The following NTM variants were observed in gnomAD, a reference collection of about 807,000 sequenced individuals.
The protein encoded by NTM is IgLON family member 2.
In NTM, 13 loss-of-function variants were observed where a neutral mutation model predicts 42.1. That is an observed-to-expected ratio of 0.31 (90% confidence interval 0.20 to 0.49). The LOEUF is 0.49. Among genes scored for constraint, NTM ranks in the 20% least tolerant of loss-of-function variants. The pLI, the probability that NTM is intolerant of heterozygous loss-of-function variation, is 0.99. For synonymous variants in NTM, 187 were observed against 179.2 expected (o/e 1.04, Z -0.35); for missense variants, 373 against 452.8 (o/e 0.82, Z 1.60).
chr11:131,814,427 A>G (rs1043787846), intron 1 of NTM, among the ~76,000 whole-genome samples: 4 of 152,192 alleles, frequency 2.6e-5, no homozygotes, highest in African/African-American at 7.2e-5. Context: ...TGTCCACACA[A>G]ATGGTTCTGA....
intron 4 of NTM, among the ~76,000 whole-genome samples, chr11:132,269,404 G>A (rs886150798): frequency 3.3e-5 from 5 of 152,134 alleles, no homozygotes; most frequent in Non-Finnish European, 5.9e-5. Context: ...AGACTGCACC[G>A]TCTATCCCAC....
chr11:132,073,155 G>A (rs1430851831), intron 2 of NTM, among the ~76,000 whole-genome samples: 1 of 152,090 alleles, frequency 6.6e-6, no homozygotes. Context: ...CTAGGCTAAG[G>A]GTTTCCAAAC....
intron 3 of NTM, among the ~76,000 whole-genome samples, chr11:132,210,113 C>T (rs1430842710): frequency 6.6e-6 from 1 of 152,212 alleles, no homozygotes; most frequent in Non-Finnish European, 1.5e-5. Context: ...GCAATAAAGT[C>T]ATCGTGCAGC....
At chr11:132,118,963 A>G (rs1237977244) in intron 2 of NTM, among the ~76,000 whole-genome samples, 1 of 152,016 alleles carries the variant, frequency 6.6e-6, no homozygotes, top group South Asian at 2.1e-4. Flanking sequence ...GTAGAGATAG[A>G]TAGTGTATAG....
At chr11:132,284,072 C>G (rs1292920646) in intron 4 of NTM, among the ~76,000 whole-genome samples, 2 of 152,162 alleles carry the variant, frequency 1.3e-5, no homozygotes, top group Non-Finnish European at 2.9e-5. Flanking sequence ...CCTGGGGCCT[C>G]AGCCCCAGGA....
At chr11:131,947,424 C>A (rs1465838865) in intron 2 of NTM, among the ~76,000 whole-genome samples, 1 of 152,160 alleles carries the variant, frequency 6.6e-6, no homozygotes, top group Admixed American at 6.5e-5. Flanking sequence ...TGCACCCCTG[C>A]CAGACCCTCC....
intron 3 of NTM, among the ~76,000 whole-genome samples, chr11:132,178,584 A>G (rs1319353909): frequency 2.1e-5 from 3 of 145,580 alleles, no homozygotes; most frequent in Non-Finnish European, 4.7e-5. Flanking sequence ...AGTTTGATAG[A>G]CAGCCTTTTC....
At chr11:131,506,640 G>A (rs117144116) in intron 1 of NTM, among the ~76,000 whole-genome samples, 4,738 of 152,302 alleles carry the variant, frequency 0.031, 96 homozygotes, top group Middle Eastern at 0.075. Context: ...GGGAGAGATG[G>A]TAAATCATGG....
chr11:131,810,225 G>A (rs570554803), intron 1 of NTM, among the ~76,000 whole-genome samples: 39 of 152,092 alleles, frequency 2.6e-4, no homozygotes, highest in Middle Eastern at 3.4e-3. Flanking sequence ...CTCCTCCCAC[G>A]TCATGAGACC....
At chr11:131,787,448 C>G (rs542533250) in intron 1 of NTM, among the ~76,000 whole-genome samples, 1 of 151,080 alleles carries the variant, frequency 6.6e-6, no homozygotes, top group Non-Finnish European at 1.5e-5. Context: ...GGCATGAGCT[C>G]GGCTCTCTGC....
intron 1 of NTM, among the ~76,000 whole-genome samples, chr11:131,520,237 G>A (rs572921765): frequency 1.3e-4 from 20 of 152,238 alleles, no homozygotes; most frequent in African/African-American, 3.6e-4. Context: ...GCACATGGAG[G>A]CATAGTTCTA....
intron 4 of NTM, among the ~76,000 whole-genome samples, chr11:132,301,267 AACTC>A (rs747643633): frequency 1.3e-5 from 2 of 152,162 alleles, no homozygotes; most frequent in African/African-American, 2.4e-5. Flanking sequence ...TGTGAGAACT[AACTC>A]ACTATCATGA....
intron 4 of NTM, among the ~76,000 whole-genome samples, chr11:132,245,511 A>C (rs748748875): frequency 6.6e-6 from 1 of 152,120 alleles, no homozygotes; most frequent in Non-Finnish European, 1.5e-5. Context: ...CATTTTATGC[A>C]CGGTGCCTTT....
At chr11:131,854,701 A>C (rs1402639033) in intron 1 of NTM, among the ~76,000 whole-genome samples, 1 of 152,188 alleles carries the variant, frequency 6.6e-6, no homozygotes, top group East Asian at 1.9e-4. Flanking sequence ...TTTTAAGAGC[A>C]ATGGGAAGAC....
intron 2 of NTM, among the ~76,000 whole-genome samples, chr11:132,038,182 C>T (rs1412903308): frequency 6.6e-6 from 1 of 152,180 alleles, no homozygotes; most frequent in Non-Finnish European, 1.5e-5. Context: ...TTATTCTGTT[C>T]CGACACAGGT....
At chr11:131,493,579 G>A (rs1189918392) in intron 1 of NTM, among the ~76,000 whole-genome samples, 1 of 152,120 alleles carries the variant, frequency 6.6e-6, no homozygotes, top group Non-Finnish European at 1.5e-5. Context: ...GCTGCCATTG[G>A]CTCATGGCTT....
intron 2 of NTM, among the ~76,000 whole-genome samples, chr11:132,017,185 T>G (rs916314145): frequency 6.6e-6 from 1 of 152,020 alleles, no homozygotes; most frequent in African/African-American, 2.4e-5. Context: ...TACAGATATT[T>G]TTTACTTTGA....
At chr11:132,039,273 A>C (rs1175508506) in intron 2 of NTM, among the ~76,000 whole-genome samples, 1 of 152,000 alleles carries the variant, frequency 6.6e-6, no homozygotes. Context: ...CTCACCTTCT[A>C]ATATTTTGTG....
chr11:131,915,724 G>A (rs1471331390), intron 2 of NTM, among the ~76,000 whole-genome samples: 4 of 152,126 alleles, frequency 2.6e-5, no homozygotes, highest in Non-Finnish European at 4.4e-5. Context: ...ATGGCAGAAG[G>A]CAAAAGGCAC....
Sources: allele counts gnomAD v4.1 joint callset (sites outside exome capture counted in the v4.1 genomes callset), GRCh38; gene constraint gnomAD v4.1.1; transcripts MANE v1.5; gene names NCBI Gene and HGNC (gene_info 2026-07-23, HGNC 2026-07-21).